The following PTPRB variants were observed in gnomAD, a reference collection of about 807,000 sequenced individuals.
The protein encoded by PTPRB is protein tyrosine phosphatase receptor type B.
Under a neutral mutation model 238.1 loss-of-function variants are expected in PTPRB, and 97 were observed. The observed-to-expected ratio is 0.41, with a 90% CI of 0.35 to 0.48. The LOEUF (loss-of-function observed/expected upper bound fraction) is 0.48. Among genes scored for constraint, PTPRB ranks in the 20% least tolerant of loss-of-function variants. The probability of loss-of-function intolerance (pLI) is 0.30; values close to 1 mark genes in which losing one functional copy is unlikely to be tolerated. For missense variants in PTPRB, 2,292 were observed against 2,681.9 expected, an observed-to-expected ratio of 0.85 and a Z score of 3.21; for synonymous variants, 970 against 995.4, an observed-to-expected ratio of 0.97 and a Z score of 0.48.
intron 18 of PTPRB, among the ~76,000 whole-genome samples, chr12:70,558,082 A>C (rs1199556079): frequency 1.3e-5 from 2 of 152,106 alleles, no homozygotes; most frequent in African/African-American, 4.8e-5. Flanking sequence ...TCTCTATGTA[A>C]GTAAAGCTTT....
chr12:70,527,190 T>G (rs1166430946), intron 32 of PTPRB, among the ~76,000 whole-genome samples: 2 of 152,220 alleles, frequency 1.3e-5, no homozygotes, highest in East Asian at 3.8e-4. Context: ...AGTGCATGGC[T>G]TAGTATTTAG....
intron 23 of PTPRB, chr12:70,540,541 T>C (rs1483631222): frequency 3.9e-6 from 1 of 255,442 alleles, no homozygotes; most frequent in East Asian, 8.7e-5. Context: ...CAAACATCTC[T>C]GTCTTCATGA....
chr12:70,606,373 A>C (rs1883941904), intron 4 of PTPRB, among the ~76,000 whole-genome samples: 1 of 152,166 alleles, frequency 6.6e-6, no homozygotes, highest in Non-Finnish European at 1.5e-5. Flanking sequence ...CATTTAATTC[A>C]ATTTTTTTAT....
chr12:70,612,490 T>C (rs1477917597), intron 3 of PTPRB, among the ~76,000 whole-genome samples: 3 of 152,208 alleles, frequency 2.0e-5, no homozygotes, highest in African/African-American at 7.2e-5. Flanking sequence ...TTGAGCCTGC[T>C]TGTCCTACAT....
chr12:70,580,145 C>T (rs987599457), intron 10 of PTPRB, among the ~76,000 whole-genome samples: 5 of 151,962 alleles, frequency 3.3e-5, no homozygotes, highest in Admixed American at 6.6e-5. Flanking sequence ...ATTTCTTCCT[C>T]GGTGCCATGG....
intron 13 of PTPRB, 83 bp downstream of exon 13, chr12:70,570,943 T>C (rs1879961762): frequency 6.8e-7 from 1 of 1,461,168 alleles, no homozygotes; most frequent in African/African-American, 1.4e-5. Flanking sequence ...TCCCTCCAAA[T>C]GCTCAATCGA....
intron 4 of PTPRB, among the ~76,000 whole-genome samples, chr12:70,606,037 G>A (rs1883914792): frequency 6.6e-6 from 1 of 152,166 alleles, no homozygotes; most frequent in South Asian, 2.1e-4. Context: ...TAATGACCAA[G>A]TAAACCTGAG....
Position 70,532,169 on chromosome 12 carries a change from C to T in PTPRB, c.6370G>A (p.Ala2124Thr), listed in dbSNP as rs1490086529. Reference sequence around the variant, plus strand: ...AAGGTTCCAGTCCTACCCACACCAGCACTAGAAGAGATGGCAAAGGAAGAT... The same window carrying T: ...AAGGTTCCAGTCCTACCCACACCAGTACTAGAAGAGATGGCAAAGGAAGAT... ...GAGPTVVHCS[A>T]GVGRTGTFIA... The change falls in exon 32 of 34, where the codon GCT (alanine) becomes ACT (threonine). Residue 2124 changes from alanine (A) to threonine (T), a missense_variant and splice_region_variant. Physicochemically the swap from Ala to Thr is moderately conservative, Grantham distance 58. Around this residue, in one of 4 missense-constraint regions of PTPRB, gnomAD observed 397 missense variants for 502.0 expected, o/e 0.79. Transcript: ENST00000334414. 6.3e-7 allele frequency: 1 copy of T among 1,584,080 alleles called. No individual in the cohort carries two copies.
chr12:70,637,185 A>G (rs928862995), intron 1 of PTPRB, among the ~76,000 whole-genome samples, 156 bp downstream of exon 1: 1 of 152,174 alleles, frequency 6.6e-6, no homozygotes, highest in Admixed American at 6.5e-5. Flanking sequence ...CAGTATGGGC[A>G]TAGCTGGCTC....
intron 3 of PTPRB, chr12:70,609,788 G>A (rs371928230): frequency 1.3e-6 from 2 of 1,587,718 alleles, no homozygotes; most frequent in African/African-American, 1.3e-5. Flanking sequence ...TGATCCACAA[G>A]GCCAACCCGG....
At position 70,560,272 on chromosome 12, in the gene PTPRB, CACAG is replaced by C. The variant is rs1226783722; in HGVS notation, c.4432+395_4432+398del. Among the ~76,000 whole-genome samples, 1 of 152,134 alleles carries C rather than the reference CACAG, an allele frequency of 6.6e-6. No individual in the cohort carries two copies. The highest frequency in any genetic ancestry group is 1.5e-5 in the Non-Finnish European group (1 of 68,032). On this transcript the variant is annotated intron_variant, in intron 17 of 33. Coordinates refer to ENST00000334414, the MANE Select transcript of PTPRB (RefSeq NM_001109754.4). The surrounding 1 kb of genome is among the most constrained non-coding windows in gnomAD (Gnocchi z 4.2). Reference sequence around the variant, plus strand: ...GATTTTGGGGTACAGGGCTGACGTCCACAGACAATTATGTTCAGTTGCAGATAGC... The same window carrying C: ...GATTTTGGGGTACAGGGCTGACGTCCACAATTATGTTCAGTTGCAGATAGC...
Position 70,521,476 on chromosome 12 carries a change from T to C in PTPRB, c.*13A>G. The C allele has an allele frequency of 6.5e-7, 1 of 1,536,776 alleles. No homozygotes were observed. Among genetic ancestry groups the C allele is most frequent in the Non-Finnish European group, 8.8e-7 (1 of 1,140,644 alleles). On this transcript the variant is annotated 3_prime_UTR_variant, in exon 34 of 34. Transcript: ENST00000334414. ...GTGAATAATTTTTATCCAGGAGCTC[T>C]TCAGGTACATTCTCAATGCCTTGAA...
At chr12:70,593,393 A>AT (rs1466349485) in intron 6 of PTPRB, among the ~76,000 whole-genome samples, 1 of 151,896 alleles carries the variant, frequency 6.6e-6, no homozygotes, top group Non-Finnish European at 1.5e-5. Flanking sequence ...GGTGCCTGCA[A>AT]TCTTAGCTAC....
Position 70,609,758 on chromosome 12 carries a change from C to T in PTPRB, c.709-419G>A, listed in dbSNP as rs774287491. 7.6e-6 allele frequency: 12 copies of T among 1,578,446 alleles called. No individual in the cohort carries two copies. In the South Asian group the frequency reaches 1.4e-4, roughly 18 times the overall value. On this transcript the variant is annotated intron_variant, in intron 3 of 33. Transcript: ENST00000334414. ...AGCTCTGACCCCTTCTCGGGCCACT[C>T]ACCTGCAGCAGGCTCAGTGTGATCC... is the stretch of plus-strand genomic sequence containing the variant.
intron 2 of PTPRB, 58 bp downstream of exon 2, chr12:70,635,613 A>G (rs564745590): frequency 6.6e-7 from 1 of 1,523,818 alleles, no homozygotes; most frequent in East Asian, 2.3e-5. Flanking sequence ...AACAAACAAA[A>G]CCCCCAAGAT....
At chr12:70,538,562 G>A (rs986113315) in intron 27 of PTPRB, 3 of 432,292 alleles carry the variant, frequency 6.9e-6, no homozygotes, top group East Asian at 4.0e-5. Flanking sequence ...TACCTAATGG[G>A]GTAAGGAAAT....
At chr12:70,540,802 T>C in intron 23 of PTPRB, 56 bp downstream of exon 23, 1 of 1,303,394 alleles carries the variant, frequency 7.7e-7, no homozygotes, top group Non-Finnish European at 1.1e-6. Context: ...AAAGGGAATT[T>C]TCAGTTGCAT....
Position 70,563,231 on chromosome 12 carries a change from CA to C in PTPRB, c.3905-125del, listed in dbSNP as rs1407010878. On this transcript the variant is annotated intron_variant, in intron 15 of 33. Transcript: ENST00000334414. ...GATTCAGTGATACGGGAAACAGTAA[CA>C]ATAGGAAAAGCCAAAAGCACTTTAC... 1.1e-5 allele frequency: 11 copies of C among 1,039,522 alleles called. No homozygotes were observed. In the Admixed American group the frequency reaches 2.0e-4, roughly 19 times the overall value. The allele number at this position is 1,039,522 out of a possible 1,614,324, so 64.4% of individuals were successfully genotyped here.
At chr12:70,543,200 C>T (rs986539954) in intron 22 of PTPRB, among the ~76,000 whole-genome samples, 3 of 152,032 alleles carry the variant, frequency 2.0e-5, no homozygotes, top group African/African-American at 7.2e-5. Flanking sequence ...AAGATTTACA[C>T]CTATGTTTTC....
Sources: gnomAD v4.1 joint callset for allele counts (sites outside exome capture counted in the v4.1 genomes callset) on GRCh38, gnomAD v4.1.1 for gene constraint, gnomAD v4.1.1 regional missense constraint, Gnocchi (gnomAD v3.1) non-coding constraint, MANE v1.5 for transcripts, NCBI Gene and HGNC (gene_info 2026-07-23, HGNC 2026-07-21) for gene names.